The following STK32B variants were observed in gnomAD, a reference collection of about 807,000 sequenced individuals.
The protein encoded by STK32B is serine/threonine kinase 32B.
Under a neutral mutation model 52.6 loss-of-function variants are expected in STK32B, and 43 were observed. The ratio of observed to expected loss-of-function variants is 0.82; its 90% CI spans 0.64 to 1.05. The LOEUF is 1.05. Among genes scored for constraint, STK32B ranks in the 50% least tolerant of loss-of-function variants. The probability of loss-of-function intolerance (pLI) is 0.00; values close to 1 mark genes in which losing one functional copy is unlikely to be tolerated. For missense variants in STK32B, 621 were observed against 534.6 expected (o/e 1.16, Z -1.59); for synonymous variants, 238 against 204.3 (o/e 1.17, Z -1.41).
intron 6 of STK32B, among the ~76,000 whole-genome samples, chr4:5,433,343 G>A (rs886291849): frequency 6.6e-6 from 1 of 152,136 alleles, no homozygotes; most frequent in African/African-American, 2.4e-5. Context: ...AGGAGAAGGG[G>A]CAGTTTGAAA....
intron 3 of STK32B, among the ~76,000 whole-genome samples, chr4:5,321,117 T>C (rs1303636893): frequency 6.6e-6 from 1 of 152,062 alleles, no homozygotes; most frequent in East Asian, 1.9e-4. Context: ...CAAAGCTGAG[T>C]GCGACTCTAG....
intron 3 of STK32B, among the ~76,000 whole-genome samples, chr4:5,177,439 A>C (rs1043928990): frequency 6.6e-6 from 1 of 152,170 alleles, no homozygotes; most frequent in Admixed American, 6.5e-5. Flanking sequence ...ACAGTTCACG[A>C]TGCGACTTGA....
At chr4:5,393,967 C>T (rs1024393198) in intron 4 of STK32B, among the ~76,000 whole-genome samples, 2 of 152,150 alleles carry the variant, frequency 1.3e-5, no homozygotes, top group Non-Finnish European at 2.9e-5. Context: ...CAGATTTTTA[C>T]TTCGCTTAGT....
the STK32B span, among the ~76,000 whole-genome samples, chr4:5,023,450 C>A: frequency 6.6e-6 from 1 of 152,208 alleles, no homozygotes; most frequent in Non-Finnish European, 1.5e-5. Flanking sequence ...GAGCTCTTTG[C>A]CTCTTACAAC....
rs1022080792 is a variant in STK32B, at chr4:5,396,560, C to T, written c.435-1647C>T. ...CTTGGGTCTGTCACCCCACCCTCAC[C>T]TCACCTGTGTCCTGACTCTAACTCT... On this transcript the variant is annotated intron_variant, in intron 4 of 11. Transcript: ENST00000282908. The surrounding 1 kb of genome is among the most constrained non-coding windows in gnomAD (Gnocchi z 4.7). Among the ~76,000 whole-genome samples the T allele has an allele frequency of 1.3e-5, 2 of 152,148 alleles. No homozygotes were observed. Among genetic ancestry groups the T allele is most frequent in the Admixed American group, 6.5e-5 (1 of 15,284 alleles).
rs193195887 is a variant in STK32B, at chr4:5,091,342, C to T, written c.52+39427C>T. ...TAAAAATCATATATTTGATAAGGACCTAATAAACAGAATGCATAAAGAACT... is the reference window on the plus strand; with the variant it reads ...TAAAAATCATATATTTGATAAGGACTTAATAAACAGAATGCATAAAGAACT... On this transcript the variant is annotated intron_variant, in intron 1 of 11. Coordinates refer to ENST00000282908, the MANE Select transcript of STK32B (RefSeq NM_018401.3). Among the ~76,000 whole-genome samples, 12 of 151,984 alleles carry T rather than the reference C, an allele frequency of 7.9e-5. No individual in the cohort carries two copies. The East Asian group carries it at 1.9e-3, about 24-fold the overall frequency.
At chr4:5,074,042 C>T (rs1327798262) in intron 1 of STK32B, among the ~76,000 whole-genome samples, 1 of 151,736 alleles carries the variant, frequency 6.6e-6, no homozygotes, top group Non-Finnish European at 1.5e-5. Flanking sequence ...TTTCTATTTT[C>T]TACCACATTC....
chr4:5,032,964 A>C, the STK32B span, among the ~76,000 whole-genome samples: 1 of 152,330 alleles, frequency 6.6e-6, no homozygotes, highest in African/African-American at 2.4e-5. Flanking sequence ...TCATCTATAA[A>C]ATGGAGGCCA....
intron 3 of STK32B, among the ~76,000 whole-genome samples, chr4:5,327,762 C>G (rs1245598656): frequency 6.6e-6 from 1 of 152,176 alleles, no homozygotes; most frequent in African/African-American, 2.4e-5. Flanking sequence ...GCTGCTAAAA[C>G]AAGAGAGCCT....
intron 3 of STK32B, among the ~76,000 whole-genome samples, chr4:5,186,401 G>GCC (rs1720741336): frequency 1.3e-5 from 2 of 152,086 alleles, no homozygotes; most frequent in African/African-American, 4.8e-5. Context: ...TGCTGTTAAG[G>GCC]GCCCCTGACA....
intron 1 of STK32B, among the ~76,000 whole-genome samples, chr4:5,080,753 CAT>C (rs1712369211): frequency 6.6e-6 from 1 of 152,046 alleles, no homozygotes. Context: ...TATTAATTAA[CAT>C]ATATATCGCC....
Position 5,498,115 on chromosome 4 carries a change from C to T in STK32B, c.1107-830C>T, listed in dbSNP as rs1405841443. On this transcript the variant is annotated intron_variant, in intron 11 of 11. Transcript: ENST00000282908. Reference sequence around the variant, plus strand: ...ACTTGACTAACATAACTCAAGTAGACAGTGTTGAGAGCCAGGATGTGAGTT... The same window carrying T: ...ACTTGACTAACATAACTCAAGTAGATAGTGTTGAGAGCCAGGATGTGAGTT... 2.6e-5 allele frequency among the ~76,000 whole-genome samples: 4 copies of T among 152,170 alleles called. No individual in the cohort carries two copies. The East Asian group carries it at 5.8e-4, about 22-fold the overall frequency.
intron 1 of STK32B, among the ~76,000 whole-genome samples, chr4:5,096,389 C>T (rs968579214): frequency 1.3e-5 from 2 of 152,184 alleles, no homozygotes; most frequent in Non-Finnish European, 2.9e-5. Flanking sequence ...ACGTGGTCAA[C>T]ATTTCTGCAT....
the STK32B span, among the ~76,000 whole-genome samples, chr4:5,020,076 C>T: frequency 5.3e-5 from 8 of 152,164 alleles, no homozygotes; most frequent in East Asian, 7.7e-4. Flanking sequence ...GCTCACTGAG[C>T]GGCCGTATGT....
intron 1 of STK32B, among the ~76,000 whole-genome samples, chr4:5,138,480 T>C (rs1054432789): frequency 6.6e-6 from 1 of 152,200 alleles, no homozygotes; most frequent in African/African-American, 2.4e-5. Context: ...ACACTTATTA[T>C]GTACCAGGAG....
At chr4:5,062,720 G>A (rs1041128151) in intron 1 of STK32B, among the ~76,000 whole-genome samples, 1 of 152,146 alleles carries the variant, frequency 6.6e-6, no homozygotes, top group African/African-American at 2.4e-5. Context: ...ATGTTAGCCA[G>A]GATGGTCTCG....
chr4:5,172,657 C>T (rs145397506), intron 3 of STK32B, among the ~76,000 whole-genome samples: 2 of 152,014 alleles, frequency 1.3e-5, no homozygotes, highest in African/African-American at 4.8e-5. Flanking sequence ...CAGGGATGAA[C>T]CCCACTTGAT....
intron 3 of STK32B, among the ~76,000 whole-genome samples, chr4:5,290,355 G>A (rs10022536): frequency 0.11 from 16,219 of 152,036 alleles, 894 homozygotes; most frequent in South Asian, 0.17. Flanking sequence ...AAACAAAAAT[G>A]TTTTATTCCT....
rs1228304659 is a variant in STK32B, at chr4:5,317,279, CAT to C, written c.261-13937_261-13936del. On this transcript the variant is annotated intron_variant, in intron 3 of 11. Transcript: ENST00000282908. ...CATATAACATATATATAATATATAA[CAT>C]ATAACATATATATAATATATAATAT... Among the ~76,000 whole-genome samples, 75 of 16,444 alleles carry C rather than the reference CAT, an allele frequency of 4.6e-3. 6 individuals are homozygous for C. The highest frequency in any genetic ancestry group is 0.062 in the Middle Eastern group (1 of 16). The allele number at this position is 16,444 out of a possible 152,430, so 10.8% of individuals were successfully genotyped here. A position where few individuals can be genotyped will look rare whatever the true frequency, so the allele number is the denominator to read the frequency against.
Sources: allele counts gnomAD v4.1 joint callset (sites outside exome capture counted in the v4.1 genomes callset), GRCh38; gene constraint gnomAD v4.1.1; non-coding constraint Gnocchi (gnomAD v3.1); transcripts MANE v1.5; gene names NCBI Gene and HGNC (gene_info 2026-07-23, HGNC 2026-07-21).